The following CLIC5 variants were observed in gnomAD, a reference collection of about 807,000 sequenced individuals.
CLIC5 encodes the protein CLIC family member 5, also known as chloride intracellular channel protein 5.
A neutral mutation model predicts 24.7 loss-of-function variants in CLIC5; 20 were observed. The ratio of observed to expected loss-of-function variants is 0.81; its 90% confidence interval spans 0.57 to 1.18. The LOEUF is 1.18. Among genes scored for constraint, CLIC5 ranks in the 50% most tolerant of loss-of-function variants. CLIC5 has a pLI of 0.00. For missense variants in CLIC5, 341 were observed against 326.1 expected (o/e 1.05, Z -0.35); for synonymous variants, 159 against 135.6 (o/e 1.17, Z -1.20).
intron 1 of CLIC5, among the ~76,000 whole-genome samples, chr6:45,969,805 T>G (rs1012536139): frequency 2.7e-5 from 4 of 150,306 alleles, no homozygotes; most frequent in East Asian, 1.9e-4. Context: ...GGTTTTTTTT[T>G]TTTTTTTTTT....
At chr6:46,047,719 A>G (rs924491453) in intron 1 of CLIC5, among the ~76,000 whole-genome samples, 1 of 152,230 alleles carries the variant, frequency 6.6e-6, no homozygotes, top group African/African-American at 2.4e-5. Context: ...ATTAATACTA[A>G]AAGTCAATGT....
At chr6:45,949,941 C>T (rs1340207013) in intron 2 of CLIC5, among the ~76,000 whole-genome samples, 1 of 152,204 alleles carries the variant, frequency 6.6e-6, no homozygotes, top group Admixed American at 6.5e-5. Context: ...TTTTGTCACA[C>T]TCAACAGAAT....
At chr6:45,966,461 GA>G (rs1765019408) in intron 1 of CLIC5, among the ~76,000 whole-genome samples, 2 of 152,090 alleles carry the variant, frequency 1.3e-5, no homozygotes, top group South Asian at 4.2e-4. Context: ...GACAACTTCT[GA>G]CCTAGTGGTG....
intron 1 of CLIC5, among the ~76,000 whole-genome samples, chr6:46,069,722 T>A (rs113512773): frequency 1.3e-5 from 2 of 152,292 alleles, no homozygotes; most frequent in African/African-American, 4.8e-5. Context: ...ACTCATTCTA[T>A]GAGGCCAACA....
chr6:46,066,630 T>C (rs946223), intron 1 of CLIC5, among the ~76,000 whole-genome samples: 1 of 151,816 alleles, frequency 6.6e-6, no homozygotes, highest in Admixed American at 6.6e-5. Flanking sequence ...GGGTACATGG[T>C]TGAATAAGAT....
rs1191898466 is a variant in CLIC5 at position 45,902,697 on chromosome 6, T to C, written c.*391A>G. On this transcript the variant is annotated 3_prime_UTR_variant, in exon 6 of 6. Transcript: ENST00000339561. ...GCGTTTGTCCTTGGCCTTGTAGGTA[T>C]GGACGGAGAGGAGGGTAGAAAAGGA... The C allele has an allele frequency of 9.9e-6, 2 of 202,212 alleles. No homozygotes were observed. The highest frequency in any genetic ancestry group is 4.7e-5 in the African/African-American group (2 of 42,192). The allele number at this position is 202,212 out of a possible 1,614,324, so 12.5% of individuals were successfully genotyped here.
At position 45,901,634 on chromosome 6, in the gene CLIC5, GAGA is replaced by G. The variant is rs1276410833; in HGVS notation, c.*1451_*1453del. The G allele has an allele frequency of 5.3e-5, 8 of 152,352 alleles. No homozygotes were observed. The highest frequency in any genetic ancestry group is 1.7e-4 in the African/African-American group (7 of 41,442). The allele number at this position is 152,352 out of a possible 1,614,324, so 9.4% of individuals were successfully genotyped here. A position where few individuals can be genotyped will look rare whatever the true frequency, so the allele number is the denominator to read the frequency against. On this transcript the variant is annotated 3_prime_UTR_variant, in exon 6 of 6. Coordinates refer to ENST00000339561, the MANE Select transcript of CLIC5 (RefSeq NM_016929.5). The stretch of plus-strand genomic sequence containing the variant: ...GATTTTCTCACCGGGCGTTCACTGG[GAGA>G]AGGAGTTGATGAGTGCATTTTTCTT...
chr6:46,061,122 A>T (rs1290048291), intron 1 of CLIC5, among the ~76,000 whole-genome samples: 1 of 152,088 alleles, frequency 6.6e-6, no homozygotes, highest in Non-Finnish European at 1.5e-5. Context: ...TGGAATAAGA[A>T]CTCACCACAC....
intron 1 of CLIC5, among the ~76,000 whole-genome samples, chr6:45,980,641 G>C (rs147123879): frequency 9.7e-4 from 148 of 151,914 alleles, no homozygotes; most frequent in Non-Finnish European, 1.8e-3. Flanking sequence ...AAGGGAAAAT[G>C]CTAGTGATAA....
At chr6:46,065,965 G>A (rs1450366139) in intron 1 of CLIC5, among the ~76,000 whole-genome samples, 1 of 152,160 alleles carries the variant, frequency 6.6e-6, no homozygotes, top group African/African-American at 2.4e-5. Flanking sequence ...TAGGGCATAT[G>A]GTATAATGCA....
In CLIC5 at chr6:45,922,136, T is replaced by C. The variant is rs192519117; in HGVS notation, c.407-7727A>G. Among the ~76,000 whole-genome samples, 46 of 152,272 alleles carry C rather than the reference T, an allele frequency of 3.0e-4. 1 individual carries two copies. The East Asian group carries it at 6.4e-3, about 21-fold the overall frequency. The stretch of plus-strand genomic sequence containing the variant: ...TGTGCAGCACGTGGTGCCATGGGTA[T>C]TATTTGTTTGTTCTAGAAAGAATTT... On this transcript the variant is annotated intron_variant, in intron 4 of 5. Transcript: ENST00000339561.
Position 45,999,422 on chromosome 6 carries a change from A to T in CLIC5, c.63+16058T>A, listed in dbSNP as rs1387313331. Among the ~76,000 whole-genome samples, 3 of 152,322 alleles carry T rather than the reference A, an allele frequency of 2.0e-5. No individual in the cohort carries two copies. In the East Asian group the frequency reaches 5.8e-4, roughly 29 times the overall value. On this transcript the variant is annotated intron_variant, in intron 1 of 5. Coordinates refer to ENST00000339561, the MANE Select transcript of CLIC5 (RefSeq NM_016929.5). The stretch of plus-strand genomic sequence containing the variant: ...GTGGGTATTTCAGTTTTGGACCTCA[A>T]ATCTCAGGAGAAAAGTGTATGTATA...
At chr6:46,002,247 TTG>T (rs3083604) in intron 1 of CLIC5, among the ~76,000 whole-genome samples, 41,953 of 151,542 alleles carry the variant, frequency 0.28, 5,922 homozygotes, top group South Asian at 0.34. Flanking sequence ...GTAATTTTTT[TTG>T]TTGTTGTTGT....
upstream of CLIC5, among the ~76,000 whole-genome samples, chr6:46,082,007 T>A (rs1232234158): frequency 6.6e-6 from 1 of 152,240 alleles, no homozygotes; most frequent in Non-Finnish European, 1.5e-5. Flanking sequence ...TATATACATA[T>A]GCATTTTGTA....
At chr6:45,994,987 C>T (rs942614391) in intron 1 of CLIC5, among the ~76,000 whole-genome samples, 5 of 152,102 alleles carry the variant, frequency 3.3e-5, no homozygotes, top group African/African-American at 1.2e-4. Flanking sequence ...GGTATATTCT[C>T]AATATTCAAG....
intron 4 of CLIC5, among the ~76,000 whole-genome samples, chr6:45,918,235 C>A (rs901538330): frequency 6.6e-6 from 1 of 152,236 alleles, no homozygotes; most frequent in African/African-American, 2.4e-5. Flanking sequence ...TCCATGATCA[C>A]TTCCAGATTC....
At chr6:46,043,281 A>T (rs1767862130) in intron 1 of CLIC5, among the ~76,000 whole-genome samples, 1 of 152,236 alleles carries the variant, frequency 6.6e-6, no homozygotes, top group Non-Finnish European at 1.5e-5. Flanking sequence ...AGCCTTATAA[A>T]GCATGTATTG....
chr6:46,062,328 C>T (rs1183533278), intron 1 of CLIC5, among the ~76,000 whole-genome samples: 3 of 152,214 alleles, frequency 2.0e-5, no homozygotes, highest in Non-Finnish European at 4.4e-5. Context: ...AAAAGGCATT[C>T]ATGCCAGGTA....
chr6:46,114,760 C>A, the CLIC5 span, among the ~76,000 whole-genome samples: 1 of 152,174 alleles, frequency 6.6e-6, no homozygotes, highest in African/African-American at 2.4e-5. Flanking sequence ...TTTGTTATGG[C>A]AGTCCTAGCA....
Sources: allele counts gnomAD v4.1 joint callset (sites outside exome capture counted in the v4.1 genomes callset), GRCh38; gene constraint gnomAD v4.1.1; transcripts MANE v1.5; gene names NCBI Gene and HGNC (gene_info 2026-07-23, HGNC 2026-07-21).